Variants in TSNARE1 observed in about 807,000 individuals in gnomAD.
TSNARE1 encodes the protein t-SNARE domain-containing protein 1.
In TSNARE1, 49 loss-of-function variants were observed where a neutral mutation model predicts 62.0. The ratio of observed to expected loss-of-function variants is 0.79; its 90% confidence interval spans 0.63 to 1.00. TSNARE1 has a LOEUF of 1.00. TSNARE1 is among the 50% of genes least tolerant of loss of function. TSNARE1 has a pLI of 0.00. For synonymous variants in TSNARE1, 328 were observed against 294.4 expected (o/e 1.11, Z -1.17); for missense variants, 755 against 700.1 (o/e 1.08, Z -0.88).
intron 12 of TSNARE1, among the ~76,000 whole-genome samples, chr8:142,251,282 C>A (rs1175218737): frequency 6.6e-6 from 1 of 151,288 alleles, no homozygotes; most frequent in African/African-American, 2.4e-5. Context: ...CTGGCTCAGG[C>A]AGTGTCGGAG....
At chr8:142,326,779 A>T (rs1047384320) in intron 6 of TSNARE1, among the ~76,000 whole-genome samples, 2 of 152,280 alleles carry the variant, frequency 1.3e-5, no homozygotes, top group African/African-American at 4.8e-5. Context: ...CAGTAAAAAG[A>T]AAAATACCCG....
Position 142,345,955 on chromosome 8 carries a change from C to A in TSNARE1, c.89-63G>T. On this transcript the variant is annotated intron_variant, in intron 2 of 13. Transcript: ENST00000524325. ...TCAGGGCGCTCCTGGCAGTGCCAGG[C>A]CCCCATGCACGGACAGCAGACACCC... The A allele has an allele frequency of 2.6e-6, 4 of 1,553,530 alleles. 1 individual carries two copies. Among genetic ancestry groups the A allele is most frequent in the South Asian group, 2.4e-5 (2 of 83,402 alleles).
At chr8:142,327,777 G>C (rs529174416) in intron 6 of TSNARE1, among the ~76,000 whole-genome samples, 1 of 152,312 alleles carries the variant, frequency 6.6e-6, no homozygotes, top group South Asian at 2.1e-4. Context: ...CGTCATCCAA[G>C]GCTCCTTGAG....
intron 1 of TSNARE1, among the ~76,000 whole-genome samples, chr8:142,388,550 C>CTTTTTTTTTTT (rs71313221): frequency 1.5e-4 from 10 of 67,410 alleles, no homozygotes; most frequent in Non-Finnish European, 2.2e-4. Flanking sequence ...AAAACAAAAT[C>CTTTTTTTTTTT]TTTTTTTTTT....
intron 11 of TSNARE1, 52 bp from the exon 12 acceptor site, chr8:142,274,915 C>T (rs774160963): frequency 1.5e-5 from 22 of 1,447,934 alleles, no homozygotes; most frequent in Admixed American, 2.6e-5. Flanking sequence ...CAGCCGCCCC[C>T]GCCCTGAGGA....
chr8:142,380,893 G>A lies in TSNARE1; in HGVS notation c.-40+22211C>T, dbSNP rs541566405. Among the ~76,000 whole-genome samples, 21 of 152,056 alleles carry A rather than the reference G, an allele frequency of 1.4e-4. No individual in the cohort carries two copies. In the South Asian group the frequency reaches 4.4e-3, roughly 32 times the overall value. ...AAGTCCTTTTAAGAAATAATAAAGG[G>A]GGGGGAATGCTGCAAAATCTTCCAT... On this transcript the variant is annotated intron_variant, in intron 1 of 13. Transcript: ENST00000524325.
chr8:142,269,315 ATCAGGGC>A (rs1015532529), intron 12 of TSNARE1: 30 of 454,432 alleles, frequency 6.6e-5, no homozygotes, highest in Non-Finnish European at 7.5e-5. Context: ...CAGGAGCAGG[ATCAGGGC>A]TCAGGGTCAA....
In TSNARE1 at chr8:142,303,776, A is replaced by G. The variant is rs552144176; in HGVS notation, c.1132-3132T>C. Among the ~76,000 whole-genome samples, 188 of 152,376 alleles carry G rather than the reference A, an allele frequency of 1.2e-3. 2 individuals carry two copies. Among genetic ancestry groups the G allele is most frequent in the African/African-American group, 4.4e-3 (182 of 41,588 alleles). On this transcript the variant is annotated intron_variant, in intron 9 of 13. Coordinates refer to ENST00000524325, the MANE Select transcript of TSNARE1 (RefSeq NM_145003.5). ...ATGGGGCGACCTCACTAGTCCCCAC[A>G]GTCTGCCGAGACGGCTGGTGACAAC... is the stretch of plus-strand genomic sequence containing the variant.
At chr8:142,314,318 C>T (rs376046354) in intron 9 of TSNARE1, 66 bp downstream of exon 9, 40 of 1,491,490 alleles carry the variant, frequency 2.7e-5, no homozygotes, top group East Asian at 4.6e-5. Flanking sequence ...CCATGGAGCA[C>T]AGATGGCAGC....
At chr8:142,371,316 A>C (rs1260955448) in intron 1 of TSNARE1, among the ~76,000 whole-genome samples, 1 of 152,160 alleles carries the variant, frequency 6.6e-6, no homozygotes, top group African/African-American at 2.4e-5. Flanking sequence ...GGGAAAAAAA[A>C]CCCTGCAGGA....
intron 6 of TSNARE1, among the ~76,000 whole-genome samples, chr8:142,329,840 TAA>T (rs199786543): frequency 2.0e-5 from 3 of 151,124 alleles, no homozygotes; most frequent in African/African-American, 7.3e-5. Flanking sequence ...TAAAAGAGCT[TAA>T]AAAAAAAGGC....
In TSNARE1 at chr8:142,314,909, G is replaced by A. The variant is rs907967417; in HGVS notation, c.1074+94C>T. The A allele has an allele frequency of 4.7e-5, 57 of 1,200,998 alleles. 1 individual carries two copies. The highest frequency in any genetic ancestry group is 6.6e-5 in the Non-Finnish European group (53 of 808,412). The allele number at this position is 1,200,998 out of a possible 1,614,324, so 74.4% of individuals were successfully genotyped here. ...GCCTTTGGGGATGGGGCTGCACCAG[G>A]CCCACAGGGACAAGACAGCCATGAC... On this transcript the variant is annotated intron_variant, in intron 8 of 13. Transcript: ENST00000524325.
At chr8:142,392,837 G>A (rs1320203965) in intron 1 of TSNARE1, among the ~76,000 whole-genome samples, 1 of 152,090 alleles carries the variant, frequency 6.6e-6, no homozygotes, top group African/African-American at 2.4e-5. Context: ...CTACTAAAGA[G>A]GCTGAGGCAG....
At chr8:142,275,896 GCCACTCCCCA>G in intron 11 of TSNARE1, 1 of 985,368 alleles carries the variant, frequency 1.0e-6, no homozygotes, top group South Asian at 4.7e-5. Flanking sequence ...GAAAGACAAG[GCCACTCCCCA>G]CCGTCCCAGC....
chr8:142,343,809 A>AGGAGGGGGAGGAGGAGGC, intron 4 of TSNARE1, among the ~76,000 whole-genome samples, 157 bp downstream of exon 4: 1 of 40,956 alleles, frequency 2.4e-5, no homozygotes, highest in South Asian at 9.5e-4. Flanking sequence ...GAGGAGGAGG[A>AGGAGGGGGAGGAGGAGGC]GGAGGGGAGA....
At chr8:142,223,093 T>G (rs1276556925) in intron 13 of TSNARE1, among the ~76,000 whole-genome samples, 2 of 135,750 alleles carry the variant, frequency 1.5e-5, no homozygotes, top group Non-Finnish European at 1.5e-5. Flanking sequence ...CACTCATTCA[T>G]CCACTCATTC....
chr8:142,402,114 C>T (rs958300733), intron 1 of TSNARE1, among the ~76,000 whole-genome samples: 2 of 152,086 alleles, frequency 1.3e-5, no homozygotes, highest in African/African-American at 4.8e-5. Flanking sequence ...AAGCCAGGAG[C>T]GAGCCAGGAA....
At chr8:142,298,862 TGGAGGAGCTCACGAGCACCC>T (rs1247415328) in intron 10 of TSNARE1, among the ~76,000 whole-genome samples, 1 of 152,206 alleles carries the variant, frequency 6.6e-6, no homozygotes, top group Non-Finnish European at 1.5e-5. Context: ...GCAGTGCTCC[TGGAGGAGCTCACGAGCACCC>T]GTTTCTCCAC....
chr8:142,233,323 GT>G (rs1479446534), intron 12 of TSNARE1, among the ~76,000 whole-genome samples: 1 of 152,190 alleles, frequency 6.6e-6, no homozygotes, highest in African/African-American at 2.4e-5. Context: ...CCCAAGCGGG[GT>G]TTTTGGACGG....
Sources: allele counts gnomAD v4.1 joint callset (sites outside exome capture counted in the v4.1 genomes callset), GRCh38; gene constraint gnomAD v4.1.1; transcripts MANE v1.5; gene names NCBI Gene and HGNC (gene_info 2026-07-23, HGNC 2026-07-21).